PTER: variants seen among roughly 807,000 people sequenced by gnomAD.
PTER encodes the protein phosphotriesterase related, also known as N-acetyltaurine hydrolase.
In PTER, 38 loss-of-function variants were observed where a neutral mutation model predicts 29.6. The ratio of observed to expected loss-of-function variants is 1.28; its 90% CI spans 0.99 to 1.68. The LOEUF is 1.68. Ranked by LOEUF, PTER falls within the 40% of genes most tolerant of loss-of-function variation. PTER has a pLI of 0.00. For synonymous variants in PTER, 172 were observed against 154.5 expected, an observed-to-expected ratio of 1.11 and a Z score of -0.84; for missense variants, 482 against 427.8, an observed-to-expected ratio of 1.13 and a Z score of -1.12.
chr10:16,478,701 C>G (rs113860443), intron 1 of PTER, among the ~76,000 whole-genome samples: 1 of 151,896 alleles, frequency 6.6e-6, no homozygotes, highest in Non-Finnish European at 1.5e-5. Context: ...GCCACTGGTA[C>G]CAGTTACAAG....
At chr10:16,452,773 G>A (rs1266625077) in intron 1 of PTER, among the ~76,000 whole-genome samples, 1 of 150,880 alleles carries the variant, frequency 6.6e-6, no homozygotes, top group Non-Finnish European at 1.5e-5. Context: ...ATTATTTTGA[G>A]ACAGTGTCTT....
intron 1 of PTER, among the ~76,000 whole-genome samples, chr10:16,468,199 G>A (rs894672317): frequency 2.0e-5 from 3 of 151,988 alleles, no homozygotes; most frequent in Non-Finnish European, 2.9e-5. Flanking sequence ...AAAATTAGCC[G>A]AGTGTGGTGG....
At chr10:16,466,764 A>G (rs1180101419) in intron 1 of PTER, among the ~76,000 whole-genome samples, 1 of 152,242 alleles carries the variant, frequency 6.6e-6, no homozygotes, top group Non-Finnish European at 1.5e-5. Flanking sequence ...TGTGTGGGAA[A>G]TACCTTTTAG....
intron 1 of PTER, among the ~76,000 whole-genome samples, chr10:16,443,796 A>G (rs1833922542): frequency 6.6e-6 from 1 of 152,204 alleles, no homozygotes; most frequent in South Asian, 2.1e-4. Flanking sequence ...GAAACTTACT[A>G]TGATGAGTCC....
chr10:16,459,984 G>A (rs1303612585), intron 1 of PTER, among the ~76,000 whole-genome samples: 1 of 152,216 alleles, frequency 6.6e-6, no homozygotes, highest in East Asian at 1.9e-4. Flanking sequence ...CCGACCTCAG[G>A]TGATCTGCCC....
chr10:16,513,396 T>C lies in PTER; in HGVS notation c.*2140T>C, dbSNP rs1425558366. The stretch of plus-strand genomic sequence containing the variant: ...CTGTGCCCTGTGGAATAAAGCCATA[T>C]ATATAAATGTTTTATATGTATATGT... On this transcript the variant is annotated 3_prime_UTR_variant, in exon 5 of 5. Transcript: ENST00000535784. 1 of 152,576 alleles carries C rather than the reference T, an allele frequency of 6.6e-6. No individual in the cohort carries two copies. Among genetic ancestry groups the C allele is most frequent in the Non-Finnish European group, 1.5e-5 (1 of 67,982 alleles). The allele number at this position is 152,576 out of a possible 1,614,324, so 9.5% of individuals were successfully genotyped here.
chr10:16,495,861 G>A (rs1203577692), intron 3 of PTER, among the ~76,000 whole-genome samples: 1 of 152,176 alleles, frequency 6.6e-6, no homozygotes, highest in East Asian at 1.9e-4. Flanking sequence ...CTTTATTTGT[G>A]CAGTGACATT....
intron 1 of PTER, among the ~76,000 whole-genome samples, chr10:16,480,831 T>C (rs1304844403): frequency 6.6e-6 from 1 of 152,228 alleles, no homozygotes; most frequent in East Asian, 1.9e-4. Context: ...TCTTCAACAA[T>C]TAGGTGAATT....
intron 1 of PTER, among the ~76,000 whole-genome samples, chr10:16,456,135 T>G (rs1440722655): frequency 1.3e-5 from 2 of 152,144 alleles, no homozygotes; most frequent in African/African-American, 4.8e-5. Flanking sequence ...TACCAGAGAG[T>G]ACATATTCTA....
At chr10:16,468,682 C>T (rs1056471879) in intron 1 of PTER, among the ~76,000 whole-genome samples, 1 of 152,086 alleles carries the variant, frequency 6.6e-6, no homozygotes, top group African/African-American at 2.4e-5. Flanking sequence ...AGACATAAAA[C>T]AGAAGAAGGT....
In PTER at chr10:16,506,149, C is replaced by A. The variant is rs975431127; in HGVS notation, c.839+989C>A. Among the ~76,000 whole-genome samples the A allele has an allele frequency of 8.2e-4, 124 of 152,118 alleles. 1 individual carries two copies. The highest frequency in any genetic ancestry group is 1.5e-4 in the Non-Finnish European group (10 of 68,024). ...AGGGAAATAAAGACTGAAAAGCATCCATTGGATTTCACAATTAGGAGGCTC... is the reference window on the plus strand; with the variant it reads ...AGGGAAATAAAGACTGAAAAGCATCAATTGGATTTCACAATTAGGAGGCTC... On this transcript the variant is annotated intron_variant, in intron 4 of 4. Coordinates refer to ENST00000535784, the MANE Select transcript of PTER (RefSeq NM_001261836.2).
intron 4 of PTER, among the ~76,000 whole-genome samples, chr10:16,506,967 G>A (rs1018321068): frequency 2.0e-5 from 3 of 151,780 alleles, no homozygotes; most frequent in African/African-American, 4.8e-5. Context: ...ACTGTTTTGC[G>A]TTTTGGTAGT....
intron 1 of PTER, among the ~76,000 whole-genome samples, chr10:16,454,313 G>T (rs953790130): frequency 5.3e-5 from 8 of 152,102 alleles, no homozygotes; most frequent in African/African-American, 1.2e-4. Flanking sequence ...GGTGGCTCAC[G>T]CCTGTAATCC....
intron 1 of PTER, among the ~76,000 whole-genome samples, chr10:16,448,637 G>A (rs1834098722): frequency 6.6e-6 from 1 of 152,148 alleles, no homozygotes; most frequent in Admixed American, 6.6e-5. Context: ...TCACCAATAA[G>A]TCTGGTGTGT....
intron 3 of PTER, among the ~76,000 whole-genome samples, chr10:16,503,530 A>G (rs1836444421): frequency 6.6e-6 from 1 of 151,846 alleles, no homozygotes; most frequent in Non-Finnish European, 1.5e-5. Context: ...TCAGCCTCCC[A>G]AGTAGCTGGG....
chr10:16,472,421 C>A (rs1835086897), intron 1 of PTER, among the ~76,000 whole-genome samples: 1 of 152,106 alleles, frequency 6.6e-6, no homozygotes, highest in Admixed American at 6.5e-5. Context: ...TTCCCCCATA[C>A]TGTTCTCCTG....
At chr10:16,508,421 G>T (rs561657120) in intron 4 of PTER, among the ~76,000 whole-genome samples, 1 of 151,942 alleles carries the variant, frequency 6.6e-6, no homozygotes, top group Non-Finnish European at 1.5e-5. Flanking sequence ...ACTCTGGATC[G>T]GCTTCCTTTT....
At chr10:16,517,364 T>C (rs1344605733), downstream of PTER, among the ~76,000 whole-genome samples, 1 of 152,234 alleles carries the variant, frequency 6.6e-6, no homozygotes, top group African/African-American at 2.4e-5. Flanking sequence ...AAATATTTCA[T>C]GGGCATCGGT....
intron 1 of PTER, among the ~76,000 whole-genome samples, chr10:16,479,222 G>T (rs1379203800): frequency 1.3e-5 from 2 of 152,100 alleles, no homozygotes; most frequent in African/African-American, 2.4e-5. Context: ...TTATTGCTCT[G>T]TATCCTTAAG....
Sources: gnomAD v4.1 joint callset for allele counts (sites outside exome capture counted in the v4.1 genomes callset) on GRCh38, gnomAD v4.1.1 for gene constraint, MANE v1.5 for transcripts, NCBI Gene and HGNC (gene_info 2026-07-23, HGNC 2026-07-21) for gene names.